The following CLK4 variants were observed in gnomAD, a reference collection of about 807,000 sequenced individuals.
The protein encoded by CLK4 is dual specificity protein kinase CLK4.
CLK4 carries 37 observed loss-of-function variants against 64.4 expected under a neutral mutation model. The ratio of observed to expected loss-of-function variants is 0.57; its 90% CI spans 0.44 to 0.76. CLK4 has a LOEUF of 0.76. Among genes scored for constraint, CLK4 ranks in the 30% least tolerant of loss-of-function variants. The pLI, the probability that CLK4 is intolerant of heterozygous loss-of-function variation, is 0.00. For synonymous variants in CLK4, 175 were observed against 191.6 expected (o/e 0.91, Z 0.72); for missense variants, 457 against 605.1 (o/e 0.76, Z 2.57).
At chr5:178,619,597 C>CAA in intron 2 of CLK4, 1 of 256,910 alleles carries the variant, frequency 3.9e-6, no homozygotes, top group African/African-American at 2.2e-5. Context: ...TTGAGAAATA[C>CAA]CTAAGAAACA....
Position 178,617,069 on chromosome 5 carries a change from T to G in CLK4, c.476-121A>C. 1.4e-6 allele frequency: 1 copy of G among 724,322 alleles called. No homozygotes were observed. The highest frequency in any genetic ancestry group is 1.8e-5 in the South Asian group (1 of 57,052). 44.9% of individuals were successfully genotyped at this position (724,322 alleles called of 1,614,324 possible). A position where few individuals can be genotyped will look rare whatever the true frequency, so the allele number is the denominator to read the frequency against. On this transcript the variant is annotated intron_variant, in intron 4 of 12. Transcript: ENST00000316308. This position sits in a 1 kb window ranked among gnomAD's most constrained non-coding sequence, Gnocchi z 5.2. ...ATCTCTAACAAAGCATAACTAAGGT[T>G]TCAGCACTCAAATTATTTTAGTTTC...
At chr5:178,614,517 C>G (rs2113807660) in intron 5 of CLK4, among the ~76,000 whole-genome samples, 1 of 152,302 alleles carries the variant, frequency 6.6e-6, no homozygotes. Context: ...AAGTATAGAG[C>G]CATAAATGTT....
At chr5:178,621,828 T>TC (rs1025584778) in intron 2 of CLK4, 3 of 152,082 alleles carry the variant, frequency 2.0e-5, no homozygotes, top group African/African-American at 4.8e-5. Context: ...AAAGATTTTT[T>TC]TTTTAATTAT....
At chr5:178,610,691 C>T (rs534160535) in intron 9 of CLK4, among the ~76,000 whole-genome samples, 56 of 151,594 alleles carry the variant, frequency 3.7e-4, no homozygotes, top group African/African-American at 1.1e-3. Flanking sequence ...CCAAGGCAGG[C>T]GGATCACTTG....
At chr5:178,615,348 A>T (rs958906136) in intron 5 of CLK4, among the ~76,000 whole-genome samples, 2 of 152,364 alleles carry the variant, frequency 1.3e-5, no homozygotes, top group Admixed American at 6.5e-5. Context: ...ATGATAAAGC[A>T]AATCTTATAA....
chr5:178,626,082 A>T (rs980686628), intron 1 of CLK4, among the ~76,000 whole-genome samples: 3 of 152,202 alleles, frequency 2.0e-5, no homozygotes, highest in Non-Finnish European at 4.4e-5. Context: ...ACTTTACGCT[A>T]CGTACATGGC....
chr5:178,621,096 T>C (rs1764701368), intron 2 of CLK4, among the ~76,000 whole-genome samples: 1 of 152,300 alleles, frequency 6.6e-6, no homozygotes, highest in South Asian at 2.1e-4. Flanking sequence ...AAGCTGAGAA[T>C]AGCATCATTA....
At chr5:178,611,379 T>G (rs1764554851) in intron 9 of CLK4, among the ~76,000 whole-genome samples, 1 of 152,170 alleles carries the variant, frequency 6.6e-6, no homozygotes, top group Non-Finnish European at 1.5e-5. Flanking sequence ...GCTTGTTCAA[T>G]ATGGTAACCA....
At chr5:178,609,355 C>T (rs1251548622) in intron 9 of CLK4, among the ~76,000 whole-genome samples, 4 of 152,094 alleles carry the variant, frequency 2.6e-5, no homozygotes, top group Admixed American at 6.6e-5. Flanking sequence ...GTTAACCATC[C>T]GCTCCAGTGT....
chr5:178,618,460 T>TTATA (rs35899017), intron 3 of CLK4, 96 bp downstream of exon 3: 15 of 362,188 alleles, frequency 4.1e-5, no homozygotes, highest in African/African-American at 1.7e-4. Context: ...AAATAGTATT[T>TTATA]TATATATATA....
chr5:178,614,105 C>G (rs1387003209), intron 5 of CLK4, among the ~76,000 whole-genome samples: 1 of 152,124 alleles, frequency 6.6e-6, no homozygotes, highest in East Asian at 1.9e-4. Context: ...TATACAACAA[C>G]AGTTTTAAAA....
intron 10 of CLK4, among the ~76,000 whole-genome samples, chr5:178,607,604 A>G (rs191266144): frequency 2.3e-5 from 3 of 130,592 alleles, no homozygotes; most frequent in East Asian, 2.4e-4. Context: ...TCCGCCTCCC[A>G]GGTTCACGCC....
intron 5 of CLK4, among the ~76,000 whole-genome samples, chr5:178,615,538 G>A (rs766385952): frequency 2.0e-5 from 3 of 152,170 alleles, no homozygotes; most frequent in Admixed American, 6.5e-5. Context: ...TTTATGGAAA[G>A]TGAAATGACA....
chr5:178,608,680 A>G (rs531093279), intron 9 of CLK4, among the ~76,000 whole-genome samples: 1 of 152,332 alleles, frequency 6.6e-6, no homozygotes, highest in Admixed American at 6.5e-5. Flanking sequence ...GGAGGGGTGC[A>G]TGTTATGTAA....
At chr5:178,619,430 T>C (rs994877539) in intron 2 of CLK4, among the ~76,000 whole-genome samples, 9 of 152,216 alleles carry the variant, frequency 5.9e-5, no homozygotes, top group Admixed American at 1.3e-4. Context: ...TTATTCCTGT[T>C]TGAGAAATAG....
At chr5:178,604,156 A>G in intron 11 of CLK4, 1 of 322,032 alleles carries the variant, frequency 3.1e-6, no homozygotes, top group Non-Finnish European at 5.6e-6. Flanking sequence ...TGTTCCTATC[A>G]CATATGGAAC....
chr5:178,623,384 A>G lies in CLK4; in HGVS notation c.33T>C (p.Asp11=). 1.9e-6 allele frequency: 3 copies of G among 1,613,648 alleles called. No individual in the cohort carries two copies. Among genetic ancestry groups the G allele is most frequent in the East Asian group, 2.2e-5 (1 of 44,854 alleles). MRHSKRTHCP[D]WDSRESWGHE... ...GTCCCCAGCTTTCTCTGCTATCCCA[A>G]TCAGGACAGTGAGTTCTTTTGGAAT... The change falls in exon 2 of 13, where the codon GAT becomes GAC. Residue 11 remains aspartate, a synonymous_variant. Transcript: ENST00000316308.
intron 5 of CLK4, among the ~76,000 whole-genome samples, chr5:178,614,357 G>C (rs980098107): frequency 6.6e-6 from 1 of 152,154 alleles, no homozygotes; most frequent in South Asian, 2.1e-4. Context: ...TGTCAGATTG[G>C]GAAGGAAACA....
At chr5:178,612,316 C>T (rs1315073026) in intron 9 of CLK4, 100 bp downstream of exon 9, 7 of 1,048,180 alleles carry the variant, frequency 6.7e-6, no homozygotes, top group Non-Finnish European at 9.4e-6. Flanking sequence ...TTTTCTGAAT[C>T]CTGCTGAGAA....
Sources: gnomAD v4.1 joint callset for allele counts (sites outside exome capture counted in the v4.1 genomes callset) on GRCh38, gnomAD v4.1.1 for gene constraint, Gnocchi (gnomAD v3.1) non-coding constraint, MANE v1.5 for transcripts, NCBI Gene and HGNC (gene_info 2026-07-23, HGNC 2026-07-21) for gene names.